The following TYRO3 variants were observed in gnomAD, a reference collection of about 807,000 sequenced individuals.
TYRO3 encodes tyrosine-protein kinase receptor TYRO3.
A neutral mutation model predicts 95.2 loss-of-function variants in TYRO3; 38 were observed. The ratio of observed to expected loss-of-function variants is 0.40; its 90% CI spans 0.31 to 0.52. TYRO3 has a LOEUF of 0.52. TYRO3 is among the 20% of genes least tolerant of loss of function. The pLI is 0.56. For missense variants in TYRO3, 812 were observed against 1,116.4 expected, an observed-to-expected ratio of 0.73 and a Z score of 3.89; for synonymous variants, 367 against 432.9, an observed-to-expected ratio of 0.85 and a Z score of 1.89.
rs910598198 is a variant in TYRO3, at chr15:41,573,101, C to T, written c.1975C>T (p.Arg659Trp). The T allele has an allele frequency of 2.5e-6, 4 of 1,613,670 alleles. No homozygotes were observed. The highest frequency in any genetic ancestry group is 1.7e-4 in the Middle Eastern group (1 of 6,058). Reference sequence around the variant, plus strand: ...CTTCATCCACCGAGACCTGGCTGCTCGGAATTGCATGTACGAATTCTGGAG... The same window carrying T: ...CTTCATCCACCGAGACCTGGCTGCTTGGAATTGCATGTACGAATTCTGGAG... ...RNFIHRDLAA[R>W]NCMLAEDMTV... The change falls in exon 16 of 19, where the codon CGG becomes TGG. Residue 659 changes from arginine (R) to tryptophan (W), a missense_variant. Coordinates refer to ENST00000263798, the MANE Select transcript of TYRO3 (RefSeq NM_006293.4).
At position 41,578,210 on chromosome 15, in the gene TYRO3, T is replaced by A. The variant is rs756898879; in HGVS notation, c.2607T>A (p.Ser869Arg). Reference protein sequence around the residue: ...QPGQAEHQPESPLNETQRLLL... With the variant: ...QPGQAEHQPERPLNETQRLLL... ...GGCAGGCAGAGCACCAGCCAGAGAG[T>A]CCCCTCAATGAGACACAGAGGCTTT... is the stretch of plus-strand genomic sequence containing the variant. The change falls in exon 19 of 19, where the codon AGT becomes AGA. Residue 869 changes from serine to arginine, a missense_variant. Coordinates refer to ENST00000263798, the MANE Select transcript of TYRO3 (RefSeq NM_006293.4). 4.3e-6 allele frequency: 7 copies of A among 1,613,494 alleles called. No homozygotes were observed. The highest frequency in any genetic ancestry group is 5.9e-6 in the Non-Finnish European group (7 of 1,179,944).
Position 41,570,305 on chromosome 15 carries a change from T to A in TYRO3, c.1448T>A (p.Phe483Tyr). The change falls in exon 11 of 19, where the codon TTC becomes TAC. Residue 483 changes from phenylalanine to tyrosine, a missense_variant. Transcript: ENST00000263798. ...GTTCACTTCCGGGCAGCCCGGTCCT[T>A]CAATCGAGAAAGGCCCGAGCGCATC... is the stretch of plus-strand genomic sequence containing the variant. ...PAVHFRAARS[F>Y]NRERPERIEA... The A allele has an allele frequency of 6.2e-7, 1 of 1,614,122 alleles. No individual in the cohort carries two copies. The highest frequency in any genetic ancestry group is 8.5e-7 in the Non-Finnish European group (1 of 1,180,014).
chr15:41,571,242 A>G, intron 13 of TYRO3, 124 bp downstream of exon 13: 1 of 872,644 alleles, frequency 1.1e-6, no homozygotes, highest in Non-Finnish European at 1.9e-6. Flanking sequence ...ACTAACTGGG[A>G]TGCTCTTTAC....
intron 18 of TYRO3, among the ~76,000 whole-genome samples, chr15:41,576,484 T>C (rs866274126): frequency 6.6e-6 from 1 of 151,816 alleles, no homozygotes; most frequent in Admixed American, 6.6e-5. Context: ...TGTGCCACCT[T>C]GCCCAACCAA....
chr15:41,573,215 G>T (rs1002241727), intron 16 of TYRO3, 93 bp from the exon 17 acceptor site: 2 of 1,421,650 alleles, frequency 1.4e-6, no homozygotes, highest in East Asian at 4.6e-5. Flanking sequence ...ATGCATGGGG[G>T]TAGCTTGGGA....
chr15:41,575,627 T>C (rs1426362296), intron 18 of TYRO3, among the ~76,000 whole-genome samples: 1 of 152,202 alleles, frequency 6.6e-6, no homozygotes, highest in Non-Finnish European at 1.5e-5. Flanking sequence ...TGTGCTGGTG[T>C]GTGAGGCAGT....
intron 18 of TYRO3, 38 bp downstream of exon 18, chr15:41,573,853 G>A: frequency 7.4e-7 from 1 of 1,357,592 alleles, no homozygotes; most frequent in Non-Finnish European, 9.9e-7. Flanking sequence ...AAGGAAAGGG[G>A]AATCTGGAGT....
intron 3 of TYRO3, 148 bp from the exon 4 acceptor site, chr15:41,562,400 C>A: frequency 1.6e-6 from 1 of 625,726 alleles, no homozygotes; most frequent in Non-Finnish European, 2.5e-6. Context: ...ACCTCTCAAG[C>A]TAGATGCCTG....
intron 7 of TYRO3, among the ~76,000 whole-genome samples, chr15:41,567,794 A>G (rs1215391857): frequency 6.6e-6 from 1 of 152,212 alleles, no homozygotes; most frequent in Non-Finnish European, 1.5e-5. Context: ...AAAAGGTCTG[A>G]AGGATAAAGA....
Position 41,580,630 on chromosome 15 carries a change from T to A in TYRO3, c.*2354T>A, listed in dbSNP as rs2055912865. ...CAGCTGGGCACAGTGGCGTGTATTTTTTTTTTTTTTTGAGACGGAGTCTCG... is the reference window on the plus strand; with the variant it reads ...CAGCTGGGCACAGTGGCGTGTATTTATTTTTTTTTTTGAGACGGAGTCTCG... On this transcript the variant is annotated 3_prime_UTR_variant, in exon 19 of 19. Coordinates refer to ENST00000263798, the MANE Select transcript of TYRO3 (RefSeq NM_006293.4). The A allele has an allele frequency of 6.6e-6, 1 of 151,794 alleles. No homozygotes were observed. The highest frequency in any genetic ancestry group is 2.4e-5 in the African/African-American group (1 of 41,384). The allele number at this position is 151,794 out of a possible 1,614,324, so 9.4% of individuals were successfully genotyped here.
At chr15:41,574,242 C>A (rs183154888) in intron 18 of TYRO3, among the ~76,000 whole-genome samples, 1 of 152,262 alleles carries the variant, frequency 6.6e-6, no homozygotes, top group African/African-American at 2.4e-5. Context: ...TCTAAGAAAA[C>A]TTCCTAGGCT....
At chr15:41,559,590 G>T (rs1484670231) in intron 1 of TYRO3, among the ~76,000 whole-genome samples, 1 of 152,240 alleles carries the variant, frequency 6.6e-6, no homozygotes, top group African/African-American at 2.4e-5. Flanking sequence ...TGGCGCTCGG[G>T]GCTCTTCTGG....
At chr15:41,563,619 T>A (rs1348781590) in intron 4 of TYRO3, among the ~76,000 whole-genome samples, 1 of 152,088 alleles carries the variant, frequency 6.6e-6, no homozygotes, top group Non-Finnish European at 1.5e-5. Flanking sequence ...AGCCTGATAA[T>A]AAGCACTCAC....
At chr15:41,563,963 T>A (rs1197209468) in intron 4 of TYRO3, among the ~76,000 whole-genome samples, 2 of 152,174 alleles carry the variant, frequency 1.3e-5, no homozygotes, top group Non-Finnish European at 2.9e-5. Context: ...ATTACCTGAT[T>A]CTCACAATTC....
In TYRO3 at chr15:41,567,474, T is replaced by A; in HGVS notation, c.898T>A (p.Cys300Ser). 2.5e-6 allele frequency: 4 copies of A among 1,607,378 alleles called. No homozygotes were observed. Among genetic ancestry groups the A allele is most frequent in the Non-Finnish European group, 3.4e-6 (4 of 1,177,512 alleles). The change falls in exon 7 of 19, where the codon TGT becomes AGT. Residue 300 changes from cysteine (C) to serine (S), a missense_variant. Cys to Ser is a moderately radical substitution (Grantham distance 112). Coordinates refer to ENST00000263798, the MANE Select transcript of TYRO3 (RefSeq NM_006293.4). ...PATNYSLRVR[C>S]ANALGPSPYA... ...CACCAACTACAGCCTCAGGGTGCGC[T>A]GTGCCAATGCCTTGGGGCCCTCTCC...
At chr15:41,569,440 G>C (rs2055767458) in intron 9 of TYRO3, among the ~76,000 whole-genome samples, 1 of 152,112 alleles carries the variant, frequency 6.6e-6, no homozygotes, top group South Asian at 2.1e-4. Context: ...CTGCACTCCA[G>C]CCTGGGCAAC....
In TYRO3 at chr15:41,570,363, A is replaced by G. The variant is rs766775613; in HGVS notation, c.1483+23A>G. On this transcript the variant is annotated intron_variant, in intron 11 of 18. Coordinates refer to ENST00000263798, the MANE Select transcript of TYRO3 (RefSeq NM_006293.4). ...CATGTGAGTGGTGGGTGATCGTGGG[A>G]AGGACAAATGGGCTGTCTTGTGCCC... 6.7e-6 allele frequency: 7 copies of G among 1,045,682 alleles called. No individual in the cohort carries two copies. The South Asian group carries it at 8.0e-5, about 12-fold the overall frequency. 64.8% of individuals were successfully genotyped at this position (1,045,682 alleles called of 1,614,324 possible). A position where few individuals can be genotyped will look rare whatever the true frequency, so the allele number is the denominator to read the frequency against.
At chr15:41,565,405 TTTTC>T (rs773232801) in intron 6 of TYRO3, among the ~76,000 whole-genome samples, 7 of 151,706 alleles carry the variant, frequency 4.6e-5, no homozygotes, top group East Asian at 1.9e-4. Context: ...CCTGGAAGGT[TTTTC>T]TTTCTTTCTT....
chr15:41,560,698 C>T (rs1387167099), intron 1 of TYRO3, among the ~76,000 whole-genome samples: 1 of 150,758 alleles, frequency 6.6e-6, no homozygotes, highest in Admixed American at 6.6e-5. Context: ...AGCCCTGCTC[C>T]ATTTGGTAAG....
Sources: gnomAD v4.1 joint callset for allele counts (sites outside exome capture counted in the v4.1 genomes callset) on GRCh38, gnomAD v4.1.1 for gene constraint, MANE v1.5 for transcripts, NCBI Gene and HGNC (gene_info 2026-07-23, HGNC 2026-07-21) for gene names.